PPARGC1A: variants seen among roughly 807,000 people sequenced by gnomAD.
PPARGC1A encodes peroxisome proliferator-activated receptor gamma coactivator 1-alpha.
PPARGC1A carries 25 observed loss-of-function variants against 88.7 expected under a neutral mutation model. The ratio of observed to expected loss-of-function variants is 0.28; its 90% CI spans 0.21 to 0.39. The LOEUF is 0.39. PPARGC1A is among the 10% of genes least tolerant of loss of function. PPARGC1A has a pLI of 1.00. For synonymous variants in PPARGC1A, 363 were observed against 355.6 expected (o/e 1.02, Z -0.24); for missense variants, 880 against 968.7 (o/e 0.91, Z 1.22).
chr4:23,895,149 T>C (rs1303679958), intron 1 of PPARGC1A, among the ~76,000 whole-genome samples: 4 of 145,506 alleles, frequency 2.7e-5, no homozygotes, highest in Non-Finnish European at 6.0e-5. Flanking sequence ...GGTACACAAA[T>C]TGTTTAACTG....
chr4:24,399,882 G>A, the PPARGC1A span, among the ~76,000 whole-genome samples: 13 of 151,160 alleles, frequency 8.6e-5, no homozygotes, highest in Admixed American at 4.6e-4. Flanking sequence ...TCTGCCTTCC[G>A]GATTCAAGCA....
At chr4:23,812,492 A>G (rs1258171567) in intron 10 of PPARGC1A, among the ~76,000 whole-genome samples, 1 of 152,154 alleles carries the variant, frequency 6.6e-6, no homozygotes, top group Non-Finnish European at 1.5e-5. Flanking sequence ...ATTTTTCAAA[A>G]CAGAAGGTGA....
the PPARGC1A span, among the ~76,000 whole-genome samples, chr4:24,117,113 A>G: frequency 1.3e-5 from 2 of 152,192 alleles, no homozygotes; most frequent in African/African-American, 2.4e-5. Context: ...ATTTGTACTG[A>G]GCAAGGGAAT....
chr4:24,287,350 T>C, the PPARGC1A span, among the ~76,000 whole-genome samples: 4 of 152,178 alleles, frequency 2.6e-5, no homozygotes, highest in East Asian at 7.7e-4. Flanking sequence ...TTGAGCGCCC[T>C]CTTAGAGGCT....
chr4:24,195,263 C>A, the PPARGC1A span, among the ~76,000 whole-genome samples: 1 of 152,146 alleles, frequency 6.6e-6, no homozygotes, highest in African/African-American at 2.4e-5. Context: ...ATAATTATTT[C>A]ACCCATATAG....
At chr4:24,092,494 G>A in the PPARGC1A span, among the ~76,000 whole-genome samples, 9 of 152,030 alleles carry the variant, frequency 5.9e-5, no homozygotes, top group East Asian at 3.9e-4. Flanking sequence ...CACAAAACTC[G>A]GTGCAGAGTA....
the PPARGC1A span, among the ~76,000 whole-genome samples, chr4:23,919,932 G>A: frequency 6.6e-6 from 1 of 152,298 alleles, no homozygotes; most frequent in East Asian, 1.9e-4. Context: ...GGATATAACA[G>A]AAGCCAGCAT....
chr4:23,855,530 T>A (rs1416377129), intron 2 of PPARGC1A, among the ~76,000 whole-genome samples: 3 of 152,218 alleles, frequency 2.0e-5, no homozygotes, highest in Non-Finnish European at 4.4e-5. Context: ...TCTTGTGCAT[T>A]GTATAATGTA....
chr4:24,140,689 TCA>T, the PPARGC1A span, among the ~76,000 whole-genome samples: 68 of 152,304 alleles, frequency 4.5e-4, no homozygotes, highest in Non-Finnish European at 8.5e-4. Flanking sequence ...TTCTTTGTGC[TCA>T]CATAACTGAG....
chr4:24,282,625 G>A, the PPARGC1A span, among the ~76,000 whole-genome samples: 7 of 152,350 alleles, frequency 4.6e-5, no homozygotes, highest in Non-Finnish European at 1.0e-4. Context: ...GGAAGCACTT[G>A]GTGCCAAGCA....
the PPARGC1A span, among the ~76,000 whole-genome samples, chr4:24,201,766 A>G: frequency 6.6e-6 from 1 of 152,226 alleles, no homozygotes; most frequent in Non-Finnish European, 1.5e-5. Flanking sequence ...TATTTTTAAT[A>G]TAAGTGACTC....
chr4:24,430,920 C>A, the PPARGC1A span, among the ~76,000 whole-genome samples: 1 of 151,892 alleles, frequency 6.6e-6, no homozygotes, highest in Non-Finnish European at 1.5e-5. Flanking sequence ...GAGTTCAAGA[C>A]CAGCCTGACC....
chr4:24,074,246 C>T, the PPARGC1A span, among the ~76,000 whole-genome samples: 447 of 152,222 alleles, frequency 2.9e-3, 4 homozygotes, highest in African/African-American at 0.01. Context: ...GGACACCCTA[C>T]GGAGAACCAA....
At chr4:24,267,282 A>AAG in the PPARGC1A span, among the ~76,000 whole-genome samples, 2 of 152,222 alleles carry the variant, frequency 1.3e-5, no homozygotes, top group Admixed American at 1.3e-4. Context: ...GATGTTAAAA[A>AAG]AGAGAGAGGG....
chr4:24,268,926 A>G, the PPARGC1A span, among the ~76,000 whole-genome samples: 2 of 152,228 alleles, frequency 1.3e-5, no homozygotes, highest in East Asian at 1.9e-4. Context: ...AGTGAAGAAC[A>G]GAATACACAT....
chr4:24,052,439 C>T, the PPARGC1A span, among the ~76,000 whole-genome samples: 1 of 151,934 alleles, frequency 6.6e-6, no homozygotes, highest in African/African-American at 2.4e-5. Flanking sequence ...GACTTTGAGA[C>T]CAGCCTGGCC....
At chr4:23,942,995 T>C in the PPARGC1A span, among the ~76,000 whole-genome samples, 1 of 152,194 alleles carries the variant, frequency 6.6e-6, no homozygotes, top group South Asian at 2.1e-4. Context: ...ATTTGAATTG[T>C]AGGTATAATT....
chr4:23,848,646 G>T (rs758048139), intron 2 of PPARGC1A, among the ~76,000 whole-genome samples: 3 of 152,082 alleles, frequency 2.0e-5, no homozygotes, highest in Non-Finnish European at 4.4e-5. Context: ...ATTTGTCCCC[G>T]GAAGAGCATT....
intron 1 of PPARGC1A, among the ~76,000 whole-genome samples, chr4:23,885,862 A>T (rs1716786372): frequency 2.0e-5 from 3 of 152,224 alleles, no homozygotes; most frequent in African/African-American, 7.2e-5. Flanking sequence ...AAATATCTCT[A>T]CCATGGCTGG....
Sources: allele counts gnomAD v4.1 joint callset (sites outside exome capture counted in the v4.1 genomes callset), GRCh38; gene constraint gnomAD v4.1.1; transcripts MANE v1.5; gene names NCBI Gene and HGNC (gene_info 2026-07-23, HGNC 2026-07-21).